The following DIP2C variants were observed in gnomAD, a reference collection of about 807,000 sequenced individuals.
The protein encoded by DIP2C is disco-interacting protein 2 homolog C.
Under a neutral mutation model 192.4 loss-of-function variants are expected in DIP2C, and 33 were observed. That is an observed-to-expected ratio of 0.17 (90% CI 0.13 to 0.23). DIP2C has a LOEUF of 0.23. Ranked by LOEUF, DIP2C falls within the 10% of genes least tolerant of loss-of-function variation. DIP2C has a pLI of 1.00. For synonymous variants in DIP2C, 979 were observed against 864.1 expected (o/e 1.13, Z -2.33); for missense variants, 1,537 against 2,110.1 (o/e 0.73, Z 5.32).
intron 17 of DIP2C, among the ~76,000 whole-genome samples, chr10:377,256 C>T (rs1241573865): frequency 6.6e-6 from 1 of 151,954 alleles, no homozygotes; most frequent in African/African-American, 2.4e-5. Flanking sequence ...TAAGCCTTGG[C>T]CACCTTTCTA....
chr10:336,840 G>A (rs1957792756), intron 29 of DIP2C, among the ~76,000 whole-genome samples: 1 of 152,042 alleles, frequency 6.6e-6, no homozygotes, highest in Non-Finnish European at 1.5e-5. Context: ...CTGTGTGTGT[G>A]TGTGTTGTGG....
chr10:528,751 C>T (rs1445346441), intron 1 of DIP2C, among the ~76,000 whole-genome samples: 3 of 152,172 alleles, frequency 2.0e-5, no homozygotes, highest in African/African-American at 4.8e-5. Context: ...GCCCCAGGAG[C>T]TTGCAAAGTA....
rs185789586 is a variant in DIP2C, at chr10:561,606, C to T, written c.86-75076G>A. On this transcript the variant is annotated intron_variant, in intron 1 of 36. Transcript: ENST00000280886. ...TCTCAGCCACTGACCCTCCTGGTAA[C>T]GCACTGTCTCCAAGGCCCTTTCCCG... Among the ~76,000 whole-genome samples, 3 of 152,192 alleles carry T rather than the reference C, an allele frequency of 2.0e-5. No individual in the cohort carries two copies. In the East Asian group the frequency reaches 5.8e-4, roughly 29 times the overall value.
chr10:423,088 A>AT (rs2133168480), intron 4 of DIP2C, 55 bp from the exon 5 acceptor site: 1 of 1,476,528 alleles, frequency 6.8e-7, no homozygotes, highest in South Asian at 1.3e-5. Flanking sequence ...GTGCACCACA[A>AT]TCTCAGTCCC....
At chr10:506,224 T>C (rs558933672) in intron 1 of DIP2C, among the ~76,000 whole-genome samples, 2 of 152,092 alleles carry the variant, frequency 1.3e-5, no homozygotes, top group African/African-American at 4.8e-5. Flanking sequence ...CAGCCCAGAG[T>C]CAAGGCTCCA....
At chr10:538,979 G>A (rs1037970418) in intron 1 of DIP2C, among the ~76,000 whole-genome samples, 6 of 148,736 alleles carry the variant, frequency 4.0e-5, no homozygotes, top group African/African-American at 1.6e-4. Context: ...CTGTGAATCT[G>A]CTGTATGACC....
intron 8 of DIP2C, 77 bp downstream of exon 8, chr10:413,836 G>C: frequency 2.6e-6 from 4 of 1,529,204 alleles, no homozygotes; most frequent in Non-Finnish European, 3.6e-6. Context: ...GGATGTAAAC[G>C]GACACTGAGT....
rs148331146 is a variant in DIP2C, at chr10:637,344, T to G, written c.85+52150A>C. ...CAACAGAAAATTCACAACCTGCCTT[T>G]GTCCACCTAGGCTGCTGTAACAACA... On this transcript the variant is annotated intron_variant, in intron 1 of 36. Coordinates refer to ENST00000280886, the MANE Select transcript of DIP2C (RefSeq NM_014974.3). 3.6e-5 allele frequency among the ~76,000 whole-genome samples: 5 copies of G among 137,260 alleles called. No individual in the cohort carries two copies. In the South Asian group the frequency reaches 1.1e-3, roughly 30 times the overall value. 90.0% of individuals were successfully genotyped at this position (137,260 alleles called of 152,430 possible).
chr10:439,785 CCTT>C (rs1967581062), intron 4 of DIP2C, among the ~76,000 whole-genome samples: 1 of 152,130 alleles, frequency 6.6e-6, no homozygotes, highest in South Asian at 2.1e-4. Flanking sequence ...TGATGCATGT[CCTT>C]CTGTCTCACT....
chr10:647,040 G>A (rs1855489724), intron 1 of DIP2C, among the ~76,000 whole-genome samples: 1 of 152,194 alleles, frequency 6.6e-6, no homozygotes, highest in African/African-American at 2.4e-5. Context: ...GTCCACATTT[G>A]ACAGTAGGAG....
At chr10:579,672 T>C (rs1850459068) in intron 1 of DIP2C, among the ~76,000 whole-genome samples, 1 of 152,070 alleles carries the variant, frequency 6.6e-6, no homozygotes, top group Non-Finnish European at 1.5e-5. Flanking sequence ...ATAGTGTATG[T>C]ACGTAAGTGC....
intron 18 of DIP2C, 60 bp from the exon 19 acceptor site, chr10:366,471 A>T (rs115900299): frequency 4.4e-6 from 7 of 1,608,358 alleles, no homozygotes; most frequent in Non-Finnish European, 5.9e-6. Flanking sequence ...AGAATAAAGG[A>T]AACAGGGAAG....
intron 10 of DIP2C, among the ~76,000 whole-genome samples, chr10:398,582 A>G (rs192803870): frequency 6.6e-5 from 10 of 152,350 alleles, no homozygotes; most frequent in Admixed American, 2.0e-4. Context: ...CACGTCCTCA[A>G]CCTTGGCAAA....
chr10:279,415 G>A (rs746602506), intron 36 of DIP2C, among the ~76,000 whole-genome samples: 4 of 152,236 alleles, frequency 2.6e-5, no homozygotes, highest in Non-Finnish European at 4.4e-5. Context: ...GAACAGAGCT[G>A]GCCGAGGGTG....
chr10:324,204 G>A (rs1957162178), intron 31 of DIP2C, among the ~76,000 whole-genome samples: 1 of 152,212 alleles, frequency 6.6e-6, no homozygotes, highest in Non-Finnish European at 1.5e-5. Context: ...CTGACTGTGA[G>A]AAATGTTTGA....
intron 1 of DIP2C, among the ~76,000 whole-genome samples, chr10:499,322 G>A (rs1845066819): frequency 1.4e-5 from 2 of 147,568 alleles, no homozygotes; most frequent in Admixed American, 1.3e-4. Flanking sequence ...GGACGGCTGG[G>A]CTCCCCCTCT....
At chr10:480,818 G>A (rs182013459) in intron 2 of DIP2C, among the ~76,000 whole-genome samples, 35 of 152,340 alleles carry the variant, frequency 2.3e-4, no homozygotes, top group Admixed American at 8.5e-4. Context: ...GTGAAGTGCC[G>A]ACGGGAGCAC....
In DIP2C at chr10:362,471, G is replaced by A. The variant is rs1416888116; in HGVS notation, c.2794+19C>T. 8.7e-6 allele frequency: 14 copies of A among 1,611,610 alleles called. No individual in the cohort carries two copies. Among genetic ancestry groups the A allele is most frequent in the Non-Finnish European group, 8.5e-6 (10 of 1,179,076 alleles). ...AGGGAACTCCCGCACCTCACAAGCT[G>A]CCCAAGTGGTGCACATACCTGGCTG... On this transcript the variant is annotated intron_variant, in intron 22 of 36. Transcript: ENST00000280886.
At position 466,474 on chromosome 10, in the gene DIP2C, C is replaced by T. The variant is rs904288037; in HGVS notation, c.268+5965G>A. ...TAGGCATTACCATTCAGGACATAGG[C>T]GTGGGCAAGGACTTCATGTCCAAAA... is the stretch of plus-strand genomic sequence containing the variant. On this transcript the variant is annotated intron_variant, in intron 3 of 36. Coordinates refer to ENST00000280886, the MANE Select transcript of DIP2C (RefSeq NM_014974.3). 5.7e-5 allele frequency among the ~76,000 whole-genome samples: 8 copies of T among 139,884 alleles called. No homozygotes were observed. In the East Asian group the frequency reaches 6.5e-4, roughly 11 times the overall value. 91.8% of individuals were successfully genotyped at this position (139,884 alleles called of 152,430 possible). A position where few individuals can be genotyped will look rare whatever the true frequency, so the allele number is the denominator to read the frequency against.
Sources: allele counts gnomAD v4.1 joint callset (sites outside exome capture counted in the v4.1 genomes callset), GRCh38; gene constraint gnomAD v4.1.1; transcripts MANE v1.5; gene names NCBI Gene and HGNC (gene_info 2026-07-23, HGNC 2026-07-21).